The following GGA3 variants were observed in gnomAD, a reference collection of about 807,000 sequenced individuals.
GGA3 encodes the protein golgi associated, gamma adaptin ear containing, ARF binding protein 3.
In GGA3, 57 loss-of-function variants were observed where a neutral mutation model predicts 77.5. The observed-to-expected ratio is 0.74, with a 90% CI of 0.59 to 0.92. The LOEUF (loss-of-function observed/expected upper bound fraction) is 0.92. Ranked by LOEUF, GGA3 falls within the 40% of genes least tolerant of loss-of-function variation. The pLI is 0.00. For synonymous variants in GGA3, 416 were observed against 383.7 expected (o/e 1.08, Z -0.98); for missense variants, 970 against 914.9 (o/e 1.06, Z -0.78).
In GGA3 at chr17:75,237,774, C is replaced by A. The variant is rs567132528; in HGVS notation, c.*505G>T. On this transcript the variant is annotated 3_prime_UTR_variant, in exon 17 of 17. Transcript: ENST00000537686. ...TGGGCCAGGCACCTTCCTGGGCCAC[C>A]TCCCTGGGGATGGCAGCAGGAGCTG... is the stretch of plus-strand genomic sequence containing the variant. 1 of 1,429,676 alleles carries A rather than the reference C, an allele frequency of 7.0e-7. No homozygotes were observed. The highest frequency in any genetic ancestry group is 2.9e-5 in the Admixed American group (1 of 34,398). The allele number at this position is 1,429,676 out of a possible 1,614,324, so 88.6% of individuals were successfully genotyped here.
chr17:75,248,834 A>AT (rs2076860292), intron 1 of GGA3: 1 of 935,498 alleles, frequency 1.1e-6, no homozygotes, highest in Non-Finnish European at 1.3e-6. Context: ...AAAAAAAAAA[A>AT]CTCACCAGCT....
chr17:75,239,122 A>C, intron 14 of GGA3, 39 bp from the exon 15 acceptor site: 1 of 1,586,924 alleles, frequency 6.3e-7, no homozygotes, highest in Non-Finnish European at 8.6e-7. Context: ...GAGCAGCACC[A>C]GAGACACCCA....
chr17:75,248,552 C>T (rs563406596), intron 1 of GGA3, among the ~76,000 whole-genome samples: 11 of 148,640 alleles, frequency 7.4e-5, no homozygotes, highest in African/African-American at 2.0e-4. Context: ...TTTGGGAGGC[C>T]GAGGCAGGCG....
intron 4 of GGA3, 151 bp from the exon 5 acceptor site, chr17:75,243,721 G>A: frequency 1.4e-6 from 1 of 705,708 alleles, no homozygotes; most frequent in Non-Finnish European, 2.3e-6. Flanking sequence ...ACAGCGTGGG[G>A]AGGGGAACGA....
At position 75,239,870 on chromosome 17, in the gene GGA3, G is replaced by A. The variant is rs142992424; in HGVS notation, c.1502C>T (p.Pro501Leu). ...ALAPKVEPAVPGHHGLALGNS... is the reference protein window; with the variant it reads ...ALAPKVEPAVLGHHGLALGNS... ...GCCCAACGCCAAGCCATGGTGCCCA[G>A]GGACTGCGGGCTCAACTTTTGGGGC... The change falls in exon 13 of 17, where the codon CCT (proline) becomes CTT (leucine). Residue 501 changes from proline to leucine, a missense_variant. By Grantham distance (98) the Pro-to-Leu change is moderately conservative (BLOSUM62 -3). Transcript: ENST00000537686. 1.0e-4 allele frequency: 164 copies of A among 1,614,086 alleles called. No homozygotes were observed. The African/African-American group carries it at 1.8e-3, about 18-fold the overall frequency.
intron 1 of GGA3, among the ~76,000 whole-genome samples, chr17:75,261,252 G>A (rs1598469484): frequency 6.6e-6 from 1 of 152,254 alleles, no homozygotes; most frequent in African/African-American, 2.4e-5. Flanking sequence ...AAGCATGTCA[G>A]CCCGAAGATC....
At chr17:75,244,108 C>T (rs2076671490) in intron 4 of GGA3, among the ~76,000 whole-genome samples, 1 of 152,102 alleles carries the variant, frequency 6.6e-6, no homozygotes. Context: ...CATTTTCACG[C>T]ACAAGTTGCC....
At chr17:75,240,580 G>A in intron 11 of GGA3, 168 bp from the exon 12 acceptor site, 1 of 657,118 alleles carries the variant, frequency 1.5e-6, no homozygotes, top group Non-Finnish European at 2.6e-6. Context: ...TCCAGTCCAT[G>A]ATGCAGAAGC....
intron 1 of GGA3, among the ~76,000 whole-genome samples, chr17:75,251,706 CAAAAAAAAAAA>C (rs35924573): frequency 1.5e-5 from 1 of 68,230 alleles, no homozygotes; most frequent in Admixed American, 1.9e-4. Context: ...GACTCCTTCT[CAAAAAAAAAAA>C]AAAAAAAAAA....
At chr17:75,238,851 G>A (rs956120247) in intron 15 of GGA3, 63 bp downstream of exon 15, 8 of 1,587,032 alleles carry the variant, frequency 5.0e-6, no homozygotes, top group African/African-American at 2.7e-5. Flanking sequence ...CCTGCTGGCT[G>A]CAAAGGCCTC....
At chr17:75,238,522 A>T in intron 16 of GGA3, 130 bp downstream of exon 16, 1 of 977,044 alleles carries the variant, frequency 1.0e-6, no homozygotes, top group Non-Finnish European at 1.6e-6. Flanking sequence ...CAGACACTTA[A>T]CCTAAGGCAG....
upstream of GGA3, chr17:75,261,649 G>A: frequency 9.7e-6 from 14 of 1,442,132 alleles, no homozygotes; most frequent in Non-Finnish European, 1.2e-5. Context: ...CTGAGACGGG[G>A]CGGGGCCTGC....
At chr17:75,258,884 A>G (rs2077246333) in intron 1 of GGA3, among the ~76,000 whole-genome samples, 1 of 151,120 alleles carries the variant, frequency 6.6e-6, no homozygotes, top group Admixed American at 6.6e-5. Flanking sequence ...AGTATCCTCA[A>G]TGAATCATCT....
At position 75,239,467 on chromosome 17, in the gene GGA3, T is replaced by C. The variant is rs199832719; in HGVS notation, c.1688A>G (p.Gln563Arg). 1.0e-4 allele frequency: 165 copies of C among 1,581,524 alleles called. 1 individual carries two copies. Among genetic ancestry groups the C allele is most frequent in the South Asian group, 2.4e-4 (21 of 86,124 alleles). The change falls in exon 14 of 17, where the codon CAG becomes CGG. Residue 563 changes from glutamine (Q) to arginine (R), a missense_variant. Physicochemically the swap from Gln to Arg is conservative, Grantham distance 43. Coordinates refer to ENST00000537686, the MANE Select transcript of GGA3 (RefSeq NM_138619.4). Reference protein sequence around the residue: ...FSTGPGSPLFQPLSFQSQGSP... With the variant: ...FSTGPGSPLFRPLSFQSQGSP... ...GCCCTGGGACTGGAAACTCAGTGGC[T>C]GGAAGAGCGGGCTGCCGGGCCCCGT...
intron 1 of GGA3, among the ~76,000 whole-genome samples, chr17:75,250,946 TTCC>T (rs2076944346): frequency 6.7e-6 from 1 of 149,372 alleles, no homozygotes; most frequent in Non-Finnish European, 1.5e-5. Flanking sequence ...CTGGGCATGG[TTCC>T]GCGCACCTGT....
chr17:75,262,014 C>G (rs775886894), upstream of GGA3: 1 of 1,599,170 alleles, frequency 6.3e-7, no homozygotes, highest in Non-Finnish European at 8.5e-7. Context: ...GGCGGGGGGG[C>G]GCTGCGAGGA....
At chr17:75,248,926 C>CA in intron 1 of GGA3, 3 of 985,238 alleles carry the variant, frequency 3.0e-6, no homozygotes, top group Non-Finnish European at 3.6e-6. Flanking sequence ...AGCTGCCAGG[C>CA]AGAGGGAAGG....
At chr17:75,258,134 T>C (rs2145604579) in intron 1 of GGA3, among the ~76,000 whole-genome samples, 1 of 152,328 alleles carries the variant, frequency 6.6e-6, no homozygotes, top group Middle Eastern at 3.4e-3. Context: ...CTTCACCGCC[T>C]ATCCCAAAAC....
Position 75,242,344 on chromosome 17 carries a change from G to C in GGA3, c.739C>G (p.Leu247Val), listed in dbSNP as rs1467974271. The C allele has an allele frequency of 6.2e-7, 1 of 1,614,150 alleles. No homozygotes were observed. Among genetic ancestry groups the C allele is most frequent in the African/African-American group, 1.3e-5 (1 of 75,052 alleles). ...QEDSSDGDRE[L>V]MKELFDQCEN... is the part of the protein sequence containing the mutation. ...GCCGTCGGCGGTCCCACCTTCATCA[G>C]CTCTCTGTCCCCGTCCGAAGAGTCC... The change falls in exon 8 of 17, where the codon CTG becomes GTG. Residue 247 changes from leucine (L) to valine (V), a missense_variant. Physicochemically the swap from Leu to Val is conservative, Grantham distance 32. Coordinates refer to ENST00000537686, the MANE Select transcript of GGA3 (RefSeq NM_138619.4).
Sources: gnomAD v4.1 joint callset for allele counts (sites outside exome capture counted in the v4.1 genomes callset) on GRCh38, gnomAD v4.1.1 for gene constraint, MANE v1.5 for transcripts, NCBI Gene and HGNC (gene_info 2026-07-23, HGNC 2026-07-21) for gene names.